Variants in IQCM observed in about 807,000 individuals in gnomAD.
The protein encoded by IQCM is IQ motif containing M, also known as IQ domain-containing protein M.
Under a neutral mutation model 57.6 loss-of-function variants are expected in IQCM, and 45 were observed. That is an observed-to-expected ratio of 0.78 (90% CI 0.62 to 1.00). IQCM has a LOEUF of 1.00. Among genes scored for constraint, IQCM ranks in the 50% least tolerant of loss-of-function variants. IQCM has a pLI of 0.00. For synonymous variants in IQCM, 148 were observed against 158.9 expected (o/e 0.93, Z 0.51); for missense variants, 468 against 511.6 (o/e 0.91, Z 0.82).
chr4:149,435,021 A>G (rs917845805), intron 12 of IQCM, among the ~76,000 whole-genome samples: 3 of 151,780 alleles, frequency 2.0e-5, no homozygotes, highest in Non-Finnish European at 2.9e-5. Context: ...CCATTCACTG[A>G]CTCCCCATGG....
chr4:149,795,639 A>G (rs1017431687), intron 2 of IQCM, among the ~76,000 whole-genome samples: 3 of 152,184 alleles, frequency 2.0e-5, no homozygotes, highest in African/African-American at 7.2e-5. Flanking sequence ...CCCAGGCTGC[A>G]GAGCTCCTAC....
At chr4:149,488,200 G>C (rs570662170) in intron 12 of IQCM, among the ~76,000 whole-genome samples, 1 of 152,092 alleles carries the variant, frequency 6.6e-6, no homozygotes, top group Middle Eastern at 3.2e-3. Context: ...GATGTGAAAA[G>C]TGTGGGGTTA....
intron 2 of IQCM, among the ~76,000 whole-genome samples, chr4:149,761,472 A>G (rs1769506899): frequency 6.6e-6 from 1 of 152,056 alleles, no homozygotes; most frequent in Non-Finnish European, 1.5e-5. Flanking sequence ...AGAGGAACAT[A>G]CTGAATGCCT....
At chr4:149,472,920 A>T (rs1337223532) in intron 12 of IQCM, among the ~76,000 whole-genome samples, 2 of 152,234 alleles carry the variant, frequency 1.3e-5, no homozygotes, top group African/African-American at 4.8e-5. Context: ...GGCTAGCCAT[A>T]TGTAGACAGC....
intron 8 of IQCM, among the ~76,000 whole-genome samples, chr4:149,601,947 G>T (rs1323852994): frequency 6.6e-6 from 1 of 151,238 alleles, no homozygotes; most frequent in East Asian, 1.9e-4. Flanking sequence ...TGAGCTACTT[G>T]GGAGGCTGAG....
intron 7 of IQCM, among the ~76,000 whole-genome samples, chr4:149,670,940 CTT>C (rs57287015): frequency 3.8e-4 from 54 of 143,370 alleles, no homozygotes; most frequent in Admixed American, 1.5e-3. Flanking sequence ...AAAATTCTCT[CTT>C]TTTTTTTTTT....
At position 149,687,429 on chromosome 4, in the gene IQCM, T is replaced by C. The variant is rs139107326; in HGVS notation, c.386-961A>G. Among the ~76,000 whole-genome samples the C allele has an allele frequency of 1.5e-3, 230 of 151,392 alleles. 1 individual carries two copies. The highest frequency in any genetic ancestry group is 5.3e-3 in the African/African-American group (218 of 41,394). ...ATTTAAAAATACAATACAATAAAAA[T>C]AATATAAATTTAAAAACAATATAGT... On this transcript the variant is annotated intron_variant, in intron 5 of 13. Coordinates refer to ENST00000636793, the MANE Select transcript of IQCM (RefSeq NM_001363507.2).
chr4:149,426,553 A>G (rs762718780), intron 13 of IQCM, among the ~76,000 whole-genome samples: 7 of 151,986 alleles, frequency 4.6e-5, no homozygotes, highest in Non-Finnish European at 1.0e-4. Context: ...AGGGGCTATC[A>G]TGAGACTGCC....
At chr4:149,674,585 G>A (rs376737246) in intron 7 of IQCM, among the ~76,000 whole-genome samples, 95 of 152,168 alleles carry the variant, frequency 6.2e-4, no homozygotes, top group African/African-American at 2.1e-3. Flanking sequence ...GCCTTTGGGC[G>A]AAGCATGAAA....
intron 12 of IQCM, among the ~76,000 whole-genome samples, chr4:149,472,683 A>G (rs990820895): frequency 6.6e-6 from 1 of 152,228 alleles, no homozygotes; most frequent in African/African-American, 2.4e-5. Context: ...AAGCCAAAAG[A>G]AAAAAGCTGA....
intron 2 of IQCM, among the ~76,000 whole-genome samples, chr4:149,757,765 G>GTGTGTA (rs1554036361): frequency 7.0e-6 from 1 of 143,422 alleles, no homozygotes; most frequent in Admixed American, 7.0e-5. Flanking sequence ...GTGTGTGTGT[G>GTGTGTA]TATATTTCTG....
Position 149,644,531 on chromosome 4 carries a change from A to G in IQCM, c.566-23287T>C, listed in dbSNP as rs76484291. On this transcript the variant is annotated intron_variant, in intron 7 of 13. Transcript: ENST00000636793. ...TGTAGATTGTCTACTTTCTTGTTAT[A>G]TACTCTTATCTTGAATGCATTTTCC... Among the ~76,000 whole-genome samples, 843 of 152,306 alleles carry G rather than the reference A, an allele frequency of 5.5e-3. 11 individuals carry two copies. The highest frequency in any genetic ancestry group is 0.019 in the African/African-American group (796 of 41,572).
At position 149,505,588 on chromosome 4, in the gene IQCM, C is replaced by G. The variant is rs564008616; in HGVS notation, c.1228+42867G>C. ...GAAGCAAGTATAAATCATCTGAAAT[C>G]CTGCCATCCTGAGATAATCACCAGA... On this transcript the variant is annotated intron_variant, in intron 12 of 13. Transcript: ENST00000636793. Among the ~76,000 whole-genome samples, 4 of 152,270 alleles carry G rather than the reference C, an allele frequency of 2.6e-5. No individual in the cohort carries two copies. In the South Asian group the frequency reaches 8.3e-4, roughly 32 times the overall value.
intron 9 of IQCM, among the ~76,000 whole-genome samples, chr4:149,570,308 G>C (rs968543132): frequency 6.6e-6 from 1 of 151,918 alleles, no homozygotes; most frequent in African/African-American, 2.4e-5. Flanking sequence ...AACATTTAAA[G>C]GTAAGGCAGT....
chr4:149,732,692 A>T (rs942428400), intron 5 of IQCM, among the ~76,000 whole-genome samples: 2 of 152,204 alleles, frequency 1.3e-5, no homozygotes, highest in African/African-American at 4.8e-5. Context: ...GCTATACTAG[A>T]AATGTATTAT....
rs1375281222 is a variant in IQCM, at chr4:149,621,238, G to A, written c.572C>T (p.Ala191Val). ...NLELLKEPDK[A>V]FYDWRGFVLT... is the part of the protein sequence containing the mutation. ...CACAAATCCTCTCCAGTCATAGAAT[G>A]CTTTGTCTGTTAGAAATATCAATGC... The change falls in exon 8 of 14, where the codon GCA becomes GTA. Residue 191 changes from alanine to valine, a missense_variant. Transcript: ENST00000636793. The A allele has an allele frequency of 1.4e-5, 17 of 1,226,796 alleles. No homozygotes were observed. The highest frequency in any genetic ancestry group is 1.5e-5 in the Non-Finnish European group (15 of 983,116). 76.0% of individuals were successfully genotyped at this position (1,226,796 alleles called of 1,614,324 possible).
At chr4:149,496,798 TTTA>T (rs1742703780) in intron 12 of IQCM, among the ~76,000 whole-genome samples, 1 of 152,196 alleles carries the variant, frequency 6.6e-6, no homozygotes, top group African/African-American at 2.4e-5. Flanking sequence ...ATTTGCTCAT[TTTA>T]TTATTTTTAT....
intron 13 of IQCM, among the ~76,000 whole-genome samples, chr4:149,352,546 C>T (rs937578371): frequency 2.6e-5 from 4 of 152,086 alleles, no homozygotes; most frequent in Admixed American, 6.6e-5. Flanking sequence ...GATGGGTATA[C>T]ATTATATGCA....
chr4:149,426,419 TAC>T lies in IQCM; in HGVS notation c.1390+6975_1390+6976del, dbSNP rs576780695. Among the ~76,000 whole-genome samples the T allele has an allele frequency of 3.9e-5, 6 of 152,154 alleles. No homozygotes were observed. In the South Asian group the frequency reaches 1.2e-3, roughly 32 times the overall value. On this transcript the variant is annotated intron_variant, in intron 13 of 13. Transcript: ENST00000636793. ...TAATCACTGACCTACATGCTTTCTA[TAC>T]TAGTTATCTACTGCTGTGTAACAAA...
Sources: gnomAD v4.1 joint callset for allele counts (sites outside exome capture counted in the v4.1 genomes callset) on GRCh38, gnomAD v4.1.1 for gene constraint, MANE v1.5 for transcripts, NCBI Gene and HGNC (gene_info 2026-07-23, HGNC 2026-07-21) for gene names.